Variants in NARS2 observed in about 807,000 individuals in gnomAD.
NARS2 encodes asparaginyl-tRNA synthetase.
In NARS2, 60 loss-of-function variants were observed where a neutral mutation model predicts 62.9. That is an observed-to-expected ratio of 0.95 (90% CI 0.77 to 1.18). The LOEUF is 1.18. Ranked by LOEUF, NARS2 falls within the 50% of genes most tolerant of loss-of-function variation. The pLI is 0.00. For missense variants in NARS2, 619 were observed against 576.4 expected (o/e 1.07, Z -0.76); for synonymous variants, 196 against 200.0 (o/e 0.98, Z 0.17).
intron 6 of NARS2, among the ~76,000 whole-genome samples, chr11:78,528,216 A>G (rs1021614717): frequency 6.6e-6 from 1 of 152,240 alleles, no homozygotes; most frequent in African/African-American, 2.4e-5. Context: ...AATAAGCGAG[A>G]TCCCACCTCT....
chr11:78,492,334 G>A lies in NARS2; in HGVS notation c.822+729C>T, dbSNP rs7937123. Among the ~76,000 whole-genome samples, 1,493 of 152,216 alleles carry A rather than the reference G, an allele frequency of 9.8e-3. 9 individuals carry two copies. The highest frequency in any genetic ancestry group is 0.024 in the Middle Eastern group (7 of 294). ...CACTTGTGTGCACTGTCTGGATTAT[G>A]TCTACAGCCTCCTAACAAGGCCTCT... is the stretch of plus-strand genomic sequence containing the variant. On this transcript the variant is annotated intron_variant, in intron 7 of 13. Coordinates refer to ENST00000281038, the MANE Select transcript of NARS2 (RefSeq NM_024678.6).
intron 10 of NARS2, 32 bp from the exon 11 acceptor site, chr11:78,466,045 G>C: frequency 6.4e-7 from 1 of 1,551,722 alleles, no homozygotes; most frequent in Non-Finnish European, 8.7e-7. Context: ...GACCAAAAGA[G>C]GAGACAGAGG....
chr11:78,468,927 T>G (rs1193321974), intron 10 of NARS2, among the ~76,000 whole-genome samples: 1 of 151,928 alleles, frequency 6.6e-6, no homozygotes, highest in African/African-American at 2.4e-5. Flanking sequence ...CCCCAACACC[T>G]GGTCTCTACA....
intron 5 of NARS2, among the ~76,000 whole-genome samples, chr11:78,558,086 G>C (rs1856429551): frequency 6.6e-6 from 1 of 151,776 alleles, no homozygotes; most frequent in African/African-American, 2.4e-5. Context: ...GTAATTCTTG[G>C]CTTCACTATG....
At position 78,521,059 on chromosome 11, in the gene NARS2, C is replaced by CA. The variant is rs1254790630; in HGVS notation, c.689+7782dup. 2.6e-4 allele frequency among the ~76,000 whole-genome samples: 36 copies of CA among 139,228 alleles called. 1 individual carries two copies. The highest frequency in any genetic ancestry group is 3.0e-4 in the African/African-American group (11 of 37,002). 91.3% of individuals were successfully genotyped at this position (139,228 alleles called of 152,430 possible). A position where few individuals can be genotyped will look rare whatever the true frequency, so the allele number is the denominator to read the frequency against. On this transcript the variant is annotated intron_variant, in intron 6 of 13. Transcript: ENST00000281038. ...GGGCGACAGAGCAAGACTCTGTCTC[C>CA]AAAAAAAAAAAAAAAAAGTAGAAGA...
At chr11:78,564,099 C>A (rs551455746) in intron 4 of NARS2, among the ~76,000 whole-genome samples, 1 of 151,602 alleles carries the variant, frequency 6.6e-6, no homozygotes, top group Non-Finnish European at 1.5e-5. Flanking sequence ...AGGGTTTCAC[C>A]GTGTTGCCAG....
intron 4 of NARS2, among the ~76,000 whole-genome samples, chr11:78,563,054 A>T (rs1856606666): frequency 6.6e-6 from 1 of 152,142 alleles, no homozygotes; most frequent in African/African-American, 2.4e-5. Flanking sequence ...AGTATCACAC[A>T]TAAAGGTAGA....
At chr11:78,473,088 C>G (rs757451282) in intron 9 of NARS2, among the ~76,000 whole-genome samples, 1 of 152,178 alleles carries the variant, frequency 6.6e-6, no homozygotes, top group African/African-American at 2.4e-5. Context: ...ATTGCTTGAG[C>G]CCAGGAGTTC....
intron 2 of NARS2, among the ~76,000 whole-genome samples, chr11:78,570,005 A>G (rs1040021152): frequency 1.3e-5 from 2 of 152,174 alleles, no homozygotes; most frequent in Non-Finnish European, 2.9e-5. Context: ...CCTGGCCAAC[A>G]TGGTAAAATT....
intron 6 of NARS2, among the ~76,000 whole-genome samples, chr11:78,512,681 C>A (rs1860761166): frequency 6.6e-6 from 1 of 152,166 alleles, no homozygotes; most frequent in South Asian, 2.1e-4. Flanking sequence ...TACTTTTTGG[C>A]AAGCATAACA....
chr11:78,511,326 G>A (rs113565910), intron 6 of NARS2, among the ~76,000 whole-genome samples: 85 of 152,204 alleles, frequency 5.6e-4, no homozygotes, highest in Admixed American at 9.8e-4. Context: ...AAATCCCCTC[G>A]CCTTGTCCTC....
intron 6 of NARS2, among the ~76,000 whole-genome samples, chr11:78,521,164 T>C (rs1246848291): frequency 2.0e-5 from 3 of 150,184 alleles, no homozygotes; most frequent in African/African-American, 7.5e-5. Context: ...TTCTCTCTCT[T>C]TCTTTTTTTT....
chr11:78,520,062 A>G (rs749718668), intron 6 of NARS2, among the ~76,000 whole-genome samples: 1 of 152,090 alleles, frequency 6.6e-6, no homozygotes, highest in Non-Finnish European at 1.5e-5. Flanking sequence ...TATTTTAAAT[A>G]TTTATAAAAA....
chr11:78,460,740 GTGTTTGA>G (rs1428325911), intron 11 of NARS2, among the ~76,000 whole-genome samples: 1 of 152,198 alleles, frequency 6.6e-6, no homozygotes, highest in East Asian at 1.9e-4. Context: ...TGGATGTGTT[GTGTTTGA>G]GATGCCTTTG....
chr11:78,451,401 T>C (rs1358086128), intron 11 of NARS2, among the ~76,000 whole-genome samples: 1 of 152,194 alleles, frequency 6.6e-6, no homozygotes, highest in Non-Finnish European at 1.5e-5. Flanking sequence ...TACATAAAGA[T>C]ATAATACAAA....
At chr11:78,488,159 A>AGAATAATATT (rs1255541435) in intron 7 of NARS2, among the ~76,000 whole-genome samples, 1 of 152,002 alleles carries the variant, frequency 6.6e-6, no homozygotes, top group Non-Finnish European at 1.5e-5. Context: ...TGTGATTGGC[A>AGAATAATATT]GAATAATATT....
At chr11:78,571,494 C>T (rs747916929) in intron 1 of NARS2, 50 bp from the exon 2 acceptor site, 54 of 1,260,408 alleles carry the variant, frequency 4.3e-5, no homozygotes, top group Non-Finnish European at 6.0e-5. Context: ...TTTACGTTTT[C>T]ATTACACATA....
intron 11 of NARS2, among the ~76,000 whole-genome samples, chr11:78,456,994 G>A (rs1004323227): frequency 5.3e-5 from 8 of 152,192 alleles, no homozygotes; most frequent in African/African-American, 1.9e-4. Flanking sequence ...ATCTTAGAGA[G>A]GTAATACTTT....
intron 7 of NARS2, among the ~76,000 whole-genome samples, chr11:78,491,874 G>A (rs1859833568): frequency 6.6e-6 from 1 of 152,098 alleles, no homozygotes; most frequent in Non-Finnish European, 1.5e-5. Context: ...TGGTATTTAT[G>A]TTTTAAGTGG....
Sources: allele counts gnomAD v4.1 joint callset (sites outside exome capture counted in the v4.1 genomes callset), GRCh38; gene constraint gnomAD v4.1.1; transcripts MANE v1.5; gene names NCBI Gene and HGNC (gene_info 2026-07-23, HGNC 2026-07-21).